HEATR5A: variants seen among roughly 807,000 people sequenced by gnomAD.
The protein encoded by HEATR5A is HEAT repeat-containing protein 5A.
In HEATR5A, 178 loss-of-function variants were observed where a neutral mutation model predicts 218.8. The observed-to-expected ratio is 0.81, with a 90% confidence interval of 0.72 to 0.92. HEATR5A has a LOEUF of 0.92. Among genes scored for constraint, HEATR5A ranks in the 40% least tolerant of loss-of-function variants. The pLI, the probability that HEATR5A is intolerant of heterozygous loss-of-function variation, is 0.00. For synonymous variants in HEATR5A, 864 were observed against 871.6 expected (o/e 0.99, Z 0.15); for missense variants, 2,420 against 2,418.9 (o/e 1.00, Z -0.01).
intron 10 of HEATR5A, 104 bp downstream of exon 10, chr14:31,383,417 G>T: frequency 9.2e-7 from 1 of 1,092,694 alleles, no homozygotes; most frequent in South Asian, 1.6e-5. Flanking sequence ...GGCAGGGCTA[G>T]ATGTACAGCA....
intron 26 of HEATR5A, among the ~76,000 whole-genome samples, chr14:31,317,823 T>A (rs1425274992): frequency 2.6e-5 from 4 of 152,204 alleles, no homozygotes; most frequent in Non-Finnish European, 4.4e-5. Context: ...TGTATAACAT[T>A]GCTGGTGGAA....
intron 1 of HEATR5A, among the ~76,000 whole-genome samples, chr14:31,409,070 T>TG (rs894968771): frequency 1.3e-5 from 1 of 74,224 alleles, no homozygotes; most frequent in Non-Finnish European, 3.0e-5. Context: ...AAAAAAAAGA[T>TG]GGAGTCTTAC....
chr14:31,364,555 G>A (rs1901736143), intron 13 of HEATR5A, among the ~76,000 whole-genome samples: 1 of 152,118 alleles, frequency 6.6e-6, no homozygotes, highest in Non-Finnish European at 1.5e-5. Flanking sequence ...AAGTAGCTGG[G>A]AACTACAGGG....
At position 31,293,574 on chromosome 14, in the gene HEATR5A, A is replaced by T. The variant is rs759044471; in HGVS notation, c.5872T>A (p.Ser1958Thr). The T allele has an allele frequency of 3.0e-5, 49 of 1,613,320 alleles. No homozygotes were observed. Among genetic ancestry groups the T allele is most frequent in the Non-Finnish European group, 3.8e-5 (45 of 1,179,688 alleles). ...AGAGAATTTTCATCCAAAAGGAAGG[A>T]AATGAGGATGGGCAAAAGACAGGCC... ...LVACLLPILI[S>T]FLLDENSLGS... Residue 1958 changes from serine (S) to threonine (T), a missense_variant, in exon 36 of 36, where the codon TCC (serine) becomes ACC (threonine). Ser to Thr is a moderately conservative substitution (Grantham distance 58). Coordinates refer to ENST00000543095, the MANE Select transcript of HEATR5A (RefSeq NM_015473.4).
At position 31,374,677 on chromosome 14, in the gene HEATR5A, TTTTG is replaced by T. The variant is rs1902163604; in HGVS notation, c.1861+135_1861+138del. On this transcript the variant is annotated intron_variant, in intron 12 of 35. Transcript: ENST00000543095. Reference sequence around the variant, plus strand: ...ATTACCAACTAATCGGTTATAATTTTTTTGTTCAGTTACAAAAAAAAATCATTAG... The same window carrying T: ...ATTACCAACTAATCGGTTATAATTTTTTCAGTTACAAAAAAAAATCATTAG... 8.0e-5 allele frequency: 56 copies of T among 697,522 alleles called. 4 individuals are homozygous for T. In the South Asian group the frequency reaches 1.2e-3, roughly 16 times the overall value. 43.2% of individuals were successfully genotyped at this position (697,522 alleles called of 1,614,324 possible). A position where few individuals can be genotyped will look rare whatever the true frequency, so the allele number is the denominator to read the frequency against.
At chr14:31,312,008 T>C (rs1019542937) in intron 28 of HEATR5A, among the ~76,000 whole-genome samples, 5 of 152,146 alleles carry the variant, frequency 3.3e-5, no homozygotes, top group African/African-American at 1.2e-4. Flanking sequence ...TGGTGGAGCA[T>C]GTGGGACGTG....
At chr14:31,320,239 G>T in intron 25 of HEATR5A, 2 of 678,108 alleles carry the variant, frequency 2.9e-6, no homozygotes, top group Non-Finnish European at 5.5e-6. Context: ...TGGCGAACAG[G>T]ATGAAGAAGG....
rs183180409 is a variant in HEATR5A, at chr14:31,420,545, G to C, written c.-148C>G. On this transcript the variant is annotated 5_prime_UTR_variant, in exon 1 of 36. Coordinates refer to ENST00000543095, the MANE Select transcript of HEATR5A (RefSeq NM_015473.4). Reference sequence around the variant, plus strand: ...ACCGGCTGCTCTGCTAACCCTAGCAGAGTCTGGAATTGCCGGCGGCGGCGA... The same window carrying C: ...ACCGGCTGCTCTGCTAACCCTAGCACAGTCTGGAATTGCCGGCGGCGGCGA... 834 of 151,788 alleles carry C rather than the reference G, an allele frequency of 5.5e-3. 9 individuals carry two copies. Among genetic ancestry groups the C allele is most frequent in the African/African-American group, 0.019 (777 of 40,786 alleles). The allele number at this position is 151,788 out of a possible 1,614,324, so 9.4% of individuals were successfully genotyped here. A position where few individuals can be genotyped will look rare whatever the true frequency, so the allele number is the denominator to read the frequency against.
rs771940405 is a variant in HEATR5A, at chr14:31,309,079, C to T, written c.4545G>A (p.Thr1515=). 6 of 1,613,924 alleles carry T rather than the reference C, an allele frequency of 3.7e-6. No homozygotes were observed. Among genetic ancestry groups the T allele is most frequent in the Admixed American group, 3.3e-5 (2 of 60,002 alleles). The change falls in exon 29 of 36, where the codon ACG becomes ACA. Residue 1515 remains threonine (T), a synonymous_variant. Coordinates refer to ENST00000543095, the MANE Select transcript of HEATR5A (RefSeq NM_015473.4). ...LHATALWLTS[T]GFVVADPDEG... ...CATCTGGGTCAGCAACAACAAAACCCGTGCTTGTAAGCCACAATGCTGTAG... is the reference window on the plus strand; with the variant it reads ...CATCTGGGTCAGCAACAACAAAACCTGTGCTTGTAAGCCACAATGCTGTAG...
rs1169986753 is a variant in HEATR5A at position 31,343,978 on chromosome 14, G to A, written c.3146C>T (p.Ala1049Val). ...MQDNPDCLVQ[A>V]QAISCLQQLH... Reference sequence around the variant, plus strand: ...CTGCTGAAGGCAAGAGATGGCCTGAGCTTGAACAAGGCAGTCTGGGTTATC... The same window carrying A: ...CTGCTGAAGGCAAGAGATGGCCTGAACTTGAACAAGGCAGTCTGGGTTATC... The change falls in exon 21 of 36, where the codon GCT becomes GTT. Residue 1049 changes from alanine (A) to valine (V), a missense_variant. Coordinates refer to ENST00000543095, the MANE Select transcript of HEATR5A (RefSeq NM_015473.4). 1.9e-6 allele frequency: 3 copies of A among 1,611,840 alleles called. No homozygotes were observed. Among genetic ancestry groups the A allele is most frequent in the Non-Finnish European group, 2.5e-6 (3 of 1,178,926 alleles).
At position 31,347,907 on chromosome 14, in the gene HEATR5A, T is replaced by C; in HGVS notation, c.2709A>G (p.Lys903=). Residue 903 remains lysine (K), a splice_region_variant and synonymous_variant, in exon 19 of 36, where the codon AAA becomes AAG. Coordinates refer to ENST00000543095, the MANE Select transcript of HEATR5A (RefSeq NM_015473.4). ...TAACCACATCCCTTGCTGATTTCAA[T>C]CTGTAAATATAAAAATAAAAATAAA... ...TAGLAQVSFD[K]LKSARDVVTR... 1 of 1,481,836 alleles carries C rather than the reference T, an allele frequency of 6.7e-7. No individual in the cohort carries two copies. Among genetic ancestry groups the C allele is most frequent in the Non-Finnish European group, 9.0e-7 (1 of 1,115,242 alleles). The allele number at this position is 1,481,836 out of a possible 1,614,324, so 91.8% of individuals were successfully genotyped here.
Position 31,302,473 on chromosome 14 carries a change from G to A in HEATR5A, c.5286C>T (p.Val1762=), listed in dbSNP as rs1338964076. ...GTAACTTCACAGCAGTCTCTCTGAG[G>A]ACCCCGATTGTGAGGTACAATATAG... ...LPTILYLTIG[V]LRETAVKLPG... The change falls in exon 33 of 36, where the codon GTC becomes GTT. Residue 1762 remains valine (V), a synonymous_variant. Transcript: ENST00000543095. The A allele has an allele frequency of 1.0e-5, 16 of 1,592,706 alleles. No individual in the cohort carries two copies. Among genetic ancestry groups the A allele is most frequent in the South Asian group, 3.4e-5 (3 of 87,578 alleles).
At chr14:31,304,259 A>C (rs958399115) in intron 32 of HEATR5A, among the ~76,000 whole-genome samples, 1 of 152,198 alleles carries the variant, frequency 6.6e-6, no homozygotes, top group African/African-American at 2.4e-5. Flanking sequence ...AAACAGAACC[A>C]GATACAATGA....
rs780148655 is a variant in HEATR5A, at chr14:31,383,785, C to T, written c.1346-14G>A. 1.9e-6 allele frequency: 3 copies of T among 1,607,386 alleles called. No homozygotes were observed. Among genetic ancestry groups the T allele is most frequent in the Non-Finnish European group, 1.7e-6 (2 of 1,176,682 alleles). On this transcript the variant is annotated splice_polypyrimidine_tract_variant and intron_variant, in intron 9 of 35. Transcript: ENST00000543095. ...TGTCAAGGAGACCTGGAAGGATAAA[C>T]AAATGATGACTTAGGTACATAGATA...
At chr14:31,327,132 G>A (rs1333434277) in intron 22 of HEATR5A, among the ~76,000 whole-genome samples, 6 of 151,600 alleles carry the variant, frequency 4.0e-5, no homozygotes, top group Admixed American at 3.9e-4. Context: ...CTGCCACCAT[G>A]TCTGGCTAAT....
rs138285753 is a variant in HEATR5A at position 31,369,188 on chromosome 14, TTGGGAGGCTTACG to T, written c.1961+2609_1961+2621del. On this transcript the variant is annotated intron_variant, in intron 13 of 35. Transcript: ENST00000543095. ...GGTGCACACCTATAGTTCCAGTTACTTGGGAGGCTTACGTGGGAGGATCACTTAAGCCTGGGAG... is the reference window on the plus strand; with the variant it reads ...GGTGCACACCTATAGTTCCAGTTACTTGGGAGGATCACTTAAGCCTGGGAG... Among the ~76,000 whole-genome samples the T allele has an allele frequency of 5.5e-3, 843 of 152,044 alleles. 9 individuals carry two copies. Among genetic ancestry groups the T allele is most frequent in the African/African-American group, 0.019 (786 of 41,482 alleles).
intron 14 of HEATR5A, among the ~76,000 whole-genome samples, chr14:31,363,521 C>T (rs748818265): frequency 6.6e-6 from 1 of 152,118 alleles, no homozygotes; most frequent in African/African-American, 2.4e-5. Flanking sequence ...AATCCTGATT[C>T]CACTCTTTAT....
Position 31,345,105 on chromosome 14 carries a change from A to G in HEATR5A, c.3040T>C (p.Leu1014=), listed in dbSNP as rs777669233. The G allele has an allele frequency of 6.2e-7, 1 of 1,613,312 alleles. No individual in the cohort carries two copies. The highest frequency in any genetic ancestry group is 8.5e-7 in the Non-Finnish European group (1 of 1,179,790). ...TGCACACCTTGTAGCTCTGGACCTA[A>G]CGTGGTAATAAGGGCATTCAAACAG... is the stretch of plus-strand genomic sequence containing the variant. ...GRCLNALITT[L]GPELQGNSTS... is the part of the protein sequence containing the mutation. Residue 1014 remains leucine, a synonymous_variant, in exon 20 of 36, where the codon TTA becomes CTA. Transcript: ENST00000543095.
intron 33 of HEATR5A, among the ~76,000 whole-genome samples, chr14:31,298,174 C>T (rs912748600): frequency 6.6e-6 from 1 of 152,134 alleles, no homozygotes; most frequent in Non-Finnish European, 1.5e-5. Flanking sequence ...ATGAGAGAAC[C>T]TAAGCTAGAA....
Sources: allele counts gnomAD v4.1 joint callset (sites outside exome capture counted in the v4.1 genomes callset), GRCh38; gene constraint gnomAD v4.1.1; transcripts MANE v1.5; gene names NCBI Gene and HGNC (gene_info 2026-07-23, HGNC 2026-07-21).